The following PDE7B variants were observed in gnomAD, a reference collection of about 807,000 sequenced individuals.
PDE7B encodes the protein phosphodiesterase 7B.
PDE7B carries 29 observed loss-of-function variants against 56.2 expected under a neutral mutation model. The observed-to-expected ratio is 0.52, with a 90% CI of 0.38 to 0.70. The LOEUF is 0.70. Among genes scored for constraint, PDE7B ranks in the 30% least tolerant of loss-of-function variants. The pLI is 0.00. For synonymous variants in PDE7B, 197 were observed against 196.9 expected (o/e 1.00, Z 0.00); for missense variants, 490 against 565.0 (o/e 0.87, Z 1.35).
At chr6:135,985,617 G>A (rs1228449811) in intron 2 of PDE7B, among the ~76,000 whole-genome samples, 4 of 152,090 alleles carry the variant, frequency 2.6e-5, no homozygotes, top group Non-Finnish European at 5.9e-5. Context: ...CCACATTTCT[G>A]GCATACACAC....
At chr6:135,900,037 TAAAC>T (rs2128191559) in intron 1 of PDE7B, among the ~76,000 whole-genome samples, 1 of 152,282 alleles carries the variant, frequency 6.6e-6, no homozygotes, top group African/African-American at 2.4e-5. Context: ...ATTAATGTTG[TAAAC>T]AAACTGTCTA....
intron 1 of PDE7B, among the ~76,000 whole-genome samples, chr6:135,892,667 G>A (rs1212379047): frequency 6.6e-6 from 1 of 152,122 alleles, no homozygotes; most frequent in Non-Finnish European, 1.5e-5. Flanking sequence ...AAATAAGAAA[G>A]AATGCTAAAA....
In PDE7B at chr6:136,173,797, A is replaced by C. The variant is rs1012997727; in HGVS notation, c.712A>C (p.Asn238His). Residue 238 changes from asparagine (N) to histidine (H), a missense_variant and splice_region_variant, in exon 9 of 13, where the codon AAT becomes CAT. Physicochemically the swap from Asn to His is moderately conservative, Grantham distance 68. Transcript: ENST00000308191. ...TNHHLANLYQ[N>H]MSVLENHHWR... ...TAACTCTTATTTTCTTTCTTTCTAG[A>C]ATATGTCTGTGCTGGAGAATCATCA... is the stretch of plus-strand genomic sequence containing the variant. 9 of 1,593,600 alleles carry C rather than the reference A, an allele frequency of 5.6e-6. No homozygotes were observed. The African/African-American group carries it at 1.2e-4, about 21-fold the overall frequency.
chr6:136,189,335 G>A (rs6570071), intron 12 of PDE7B, among the ~76,000 whole-genome samples: 11,054 of 152,152 alleles, frequency 0.073, 1,297 homozygotes, highest in African/African-American at 0.25. Context: ...AGGTTGAGGC[G>A]GGCAAATCCC....
At chr6:135,998,710 G>A (rs1017142896) in intron 2 of PDE7B, among the ~76,000 whole-genome samples, 7 of 149,034 alleles carry the variant, frequency 4.7e-5, no homozygotes, top group Non-Finnish European at 9.0e-5. Flanking sequence ...GAGCCGAGAT[G>A]GCGCCACTGC....
intron 1 of PDE7B, among the ~76,000 whole-genome samples, chr6:135,852,559 A>G (rs1774959944): frequency 6.6e-6 from 1 of 152,218 alleles, no homozygotes; most frequent in South Asian, 2.1e-4. Context: ...AAAAAAATCA[A>G]TAGAAGATGT....
chr6:135,976,796 T>G (rs896269823), intron 2 of PDE7B, among the ~76,000 whole-genome samples: 1 of 152,168 alleles, frequency 6.6e-6, no homozygotes, highest in African/African-American at 2.4e-5. Flanking sequence ...TTTGGGGATG[T>G]CAGCCTTGAC....
At chr6:135,905,997 C>T (rs7769440) in intron 1 of PDE7B, among the ~76,000 whole-genome samples, 83,402 of 151,944 alleles carry the variant, frequency 0.55, 22,992 homozygotes, top group Middle Eastern at 0.63. Context: ...AAGAGTCCCA[C>T]ATGTTCGGAA....
intron 1 of PDE7B, among the ~76,000 whole-genome samples, chr6:135,917,309 C>T (rs1294441127): frequency 2.6e-5 from 4 of 151,946 alleles, no homozygotes; most frequent in Non-Finnish European, 1.5e-5. Context: ...TCTTTGTTTG[C>T]ATAGGTTATT....
chr6:136,031,738 CAAAAAAAAAAA>C (rs36015213), intron 2 of PDE7B, among the ~76,000 whole-genome samples: 1 of 109,972 alleles, frequency 9.1e-6, no homozygotes, highest in Non-Finnish European at 1.8e-5. Context: ...GACTCCGTCT[CAAAAAAAAAAA>C]AAAAAAAAGA....
chr6:136,074,063 A>G (rs1471321364), intron 2 of PDE7B, among the ~76,000 whole-genome samples: 1 of 152,172 alleles, frequency 6.6e-6, no homozygotes, highest in African/African-American at 2.4e-5. Context: ...CTGTACTAAA[A>G]ATACAAAAAA....
chr6:135,910,778 C>T (rs978554931), intron 1 of PDE7B, among the ~76,000 whole-genome samples: 4 of 152,148 alleles, frequency 2.6e-5, no homozygotes, highest in Non-Finnish European at 5.9e-5. Flanking sequence ...ACCTTCACCA[C>T]CCCCTGCCCC....
Position 136,058,428 on chromosome 6 carries a change from T to C in PDE7B, c.83-50303T>C, listed in dbSNP as rs187979199. Reference sequence around the variant, plus strand: ...CAGCATGCTCACTGGACAAAAACTATGTCCCCATCCCACCTCCAGTGTCTA... The same window carrying C: ...CAGCATGCTCACTGGACAAAAACTACGTCCCCATCCCACCTCCAGTGTCTA... On this transcript the variant is annotated intron_variant, in intron 2 of 12. Transcript: ENST00000308191. Among the ~76,000 whole-genome samples the C allele has an allele frequency of 1.3e-4, 20 of 152,294 alleles. 1 individual carries two copies. The East Asian group carries it at 3.7e-3, about 28-fold the overall frequency.
At chr6:135,980,650 C>A (rs955935677) in intron 2 of PDE7B, among the ~76,000 whole-genome samples, 28 of 151,352 alleles carry the variant, frequency 1.8e-4, no homozygotes, top group East Asian at 1.4e-3. Context: ...TCTCAAAAGA[C>A]GACATTTATG....
intron 2 of PDE7B, among the ~76,000 whole-genome samples, chr6:136,056,842 T>G (rs115469586): frequency 0.012 from 1,800 of 152,002 alleles, 41 homozygotes; most frequent in African/African-American, 0.042. Context: ...GACTCCATCT[T>G]TTTTATGTTT....
intron 2 of PDE7B, among the ~76,000 whole-genome samples, chr6:135,953,393 G>C (rs962312542): frequency 6.6e-6 from 1 of 152,110 alleles, no homozygotes; most frequent in South Asian, 2.1e-4. Flanking sequence ...GGCATTGAAA[G>C]ACCTGGTACC....
chr6:135,934,722 T>A (rs1297773239), intron 1 of PDE7B, among the ~76,000 whole-genome samples: 1 of 110,924 alleles, frequency 9.0e-6, no homozygotes, highest in Non-Finnish European at 1.8e-5. Context: ...AGAGTGAAAC[T>A]CTGTCTCAAA....
intron 2 of PDE7B, among the ~76,000 whole-genome samples, chr6:135,998,707 G>T (rs560175095): frequency 1.6e-4 from 25 of 151,680 alleles, no homozygotes; most frequent in Admixed American, 4.6e-4. Flanking sequence ...AGTGAGCCGA[G>T]ATGGCGCCAC....
intron 3 of PDE7B, among the ~76,000 whole-genome samples, chr6:136,141,697 G>T (rs892160290): frequency 7.9e-5 from 12 of 152,148 alleles, no homozygotes; most frequent in Non-Finnish European, 1.8e-4. Flanking sequence ...AGTCTTGAGA[G>T]GGTGTATGTG....
Sources: gnomAD v4.1 joint callset for allele counts (sites outside exome capture counted in the v4.1 genomes callset) on GRCh38, gnomAD v4.1.1 for gene constraint, MANE v1.5 for transcripts, NCBI Gene and HGNC (gene_info 2026-07-23, HGNC 2026-07-21) for gene names.